ZFPM2: variants seen among roughly 807,000 people sequenced by gnomAD.
ZFPM2 encodes zinc finger protein ZFPM2.
In ZFPM2, 20 loss-of-function variants were observed where a neutral mutation model predicts 98.6. That is an observed-to-expected ratio of 0.20 (90% confidence interval 0.14 to 0.29). ZFPM2 has a LOEUF of 0.29. ZFPM2 is among the 10% of genes least tolerant of loss of function. The probability of loss-of-function intolerance (pLI) is 1.00; values close to 1 mark genes in which losing one functional copy is unlikely to be tolerated. For synonymous variants in ZFPM2, 518 were observed against 502.7 expected, an observed-to-expected ratio of 1.03 and a Z score of -0.41; for missense variants, 1,310 against 1,388.6, an observed-to-expected ratio of 0.94 and a Z score of 0.90.
At chr8:105,370,110 A>G (rs1055798275) in intron 1 of ZFPM2, among the ~76,000 whole-genome samples, 1 of 152,174 alleles carries the variant, frequency 6.6e-6, no homozygotes, top group Non-Finnish European at 1.5e-5. Flanking sequence ...ATGAAGCACT[A>G]GGAAACCACT....
chr8:105,490,411 T>TTCTACATAAACAGCAATA (rs1813334931), intron 3 of ZFPM2, among the ~76,000 whole-genome samples: 1 of 152,232 alleles, frequency 6.6e-6, no homozygotes, highest in Admixed American at 6.5e-5. Flanking sequence ...ATGGAGTTAT[T>TTCTACATAAACAGCAATA]TCTACATAAA....
chr8:105,796,387 A>AAATT (rs1381560767), intron 6 of ZFPM2, among the ~76,000 whole-genome samples: 1 of 152,210 alleles, frequency 6.6e-6, no homozygotes, highest in African/African-American at 2.4e-5. Context: ...TTTCATTCTG[A>AAATT]AATTAGTGAG....
intron 3 of ZFPM2, among the ~76,000 whole-genome samples, chr8:105,522,335 AACATC>A (rs766159155): frequency 1.3e-5 from 2 of 152,244 alleles, no homozygotes; most frequent in Non-Finnish European, 2.9e-5. Context: ...TTGGGAGAAC[AACATC>A]TTTTAACTTT....
At chr8:105,442,072 G>T (rs1012834449) in intron 2 of ZFPM2, among the ~76,000 whole-genome samples, 1 of 152,000 alleles carries the variant, frequency 6.6e-6, no homozygotes, top group East Asian at 1.9e-4. Flanking sequence ...GGTGGCTCAC[G>T]CCTGTAATCC....
intron 5 of ZFPM2, among the ~76,000 whole-genome samples, chr8:105,681,826 G>C (rs1349827455): frequency 6.6e-6 from 1 of 152,082 alleles, no homozygotes; most frequent in Non-Finnish European, 1.5e-5. Flanking sequence ...TCTTGTGTGT[G>C]CTTTGTGTCT....
At chr8:105,535,531 G>T (rs1438773418) in intron 3 of ZFPM2, among the ~76,000 whole-genome samples, 1 of 152,160 alleles carries the variant, frequency 6.6e-6, no homozygotes, top group African/African-American at 2.4e-5. Context: ...GAAACCAACT[G>T]ACCTCTGTGT....
At chr8:105,330,074 G>T (rs1324885317) in intron 1 of ZFPM2, among the ~76,000 whole-genome samples, 1 of 151,586 alleles carries the variant, frequency 6.6e-6, no homozygotes, top group Non-Finnish European at 1.5e-5. Flanking sequence ...AGGCAGGCTG[G>T]CAGGCATAAA....
At chr8:105,376,219 T>C (rs1000046072) in intron 1 of ZFPM2, among the ~76,000 whole-genome samples, 1 of 152,148 alleles carries the variant, frequency 6.6e-6, no homozygotes, top group African/African-American at 2.4e-5. Flanking sequence ...AGCACGTTCT[T>C]CTCTTGAGTT....
At chr8:105,458,416 G>A (rs1321144253) in intron 3 of ZFPM2, among the ~76,000 whole-genome samples, 1 of 151,254 alleles carries the variant, frequency 6.6e-6, no homozygotes, top group African/African-American at 2.4e-5. Context: ...CCGATGGAAT[G>A]AAATTTAAAA....
At chr8:105,667,313 C>A (rs1298192145) in intron 5 of ZFPM2, among the ~76,000 whole-genome samples, 1 of 152,144 alleles carries the variant, frequency 6.6e-6, no homozygotes, top group Non-Finnish European at 1.5e-5. Flanking sequence ...TGAATGTGAT[C>A]TTTTGGTAGT....
intron 3 of ZFPM2, among the ~76,000 whole-genome samples, chr8:105,520,205 T>G (rs1248012092): frequency 1.3e-5 from 2 of 151,032 alleles, no homozygotes. Flanking sequence ...CATTTTCAAG[T>G]ACAGAAAGGC....
chr8:105,735,449 C>T (rs1812044925), intron 5 of ZFPM2, among the ~76,000 whole-genome samples: 1 of 151,804 alleles, frequency 6.6e-6, no homozygotes, highest in South Asian at 2.1e-4. Context: ...AAAAACAACT[C>T]AGTTTTTATA....
At chr8:105,336,703 C>T (rs1812333299) in intron 1 of ZFPM2, among the ~76,000 whole-genome samples, 1 of 150,772 alleles carries the variant, frequency 6.6e-6, no homozygotes, top group African/African-American at 2.4e-5. Context: ...CACACACACA[C>T]ACACACACAC....
chr8:105,449,341 C>T (rs1261506273), intron 3 of ZFPM2, among the ~76,000 whole-genome samples: 6 of 151,990 alleles, frequency 3.9e-5, no homozygotes, highest in Admixed American at 3.9e-4. Flanking sequence ...TTAATGCAGA[C>T]ATACACAGGT....
intron 1 of ZFPM2, among the ~76,000 whole-genome samples, chr8:105,373,753 G>GT (rs1350889847): frequency 6.6e-6 from 1 of 152,058 alleles, no homozygotes; most frequent in Non-Finnish European, 1.5e-5. Context: ...TGGAAACTAT[G>GT]TTTTTTTAGT....
At chr8:105,487,324 G>T (rs1813249776) in intron 3 of ZFPM2, among the ~76,000 whole-genome samples, 1 of 152,086 alleles carries the variant, frequency 6.6e-6, no homozygotes, top group Non-Finnish European at 1.5e-5. Context: ...TTCCCATATT[G>T]CCCAGGCTGG....
intron 1 of ZFPM2, among the ~76,000 whole-genome samples, chr8:105,344,790 T>C (rs1021167784): frequency 2.0e-5 from 3 of 152,150 alleles, no homozygotes; most frequent in African/African-American, 7.2e-5. Flanking sequence ...TATCAAGTTA[T>C]GGACAATGTA....
intron 3 of ZFPM2, among the ~76,000 whole-genome samples, chr8:105,450,262 G>A (rs1163517048): frequency 6.6e-6 from 1 of 152,088 alleles, no homozygotes; most frequent in Non-Finnish European, 1.5e-5. Context: ...AGACCACTAT[G>A]AGATAGAAGC....
chr8:105,362,809 CT>C (rs1266571386), intron 1 of ZFPM2, among the ~76,000 whole-genome samples: 1 of 152,032 alleles, frequency 6.6e-6, no homozygotes, highest in Non-Finnish European at 1.5e-5. Flanking sequence ...TGATTGATTG[CT>C]AGAATTTTAG....
Sources: gnomAD v4.1 joint callset for allele counts (sites outside exome capture counted in the v4.1 genomes callset) on GRCh38, gnomAD v4.1.1 for gene constraint, MANE v1.5 for transcripts, NCBI Gene and HGNC (gene_info 2026-07-23, HGNC 2026-07-21) for gene names.